Variants in RFC3 observed in about 807,000 individuals in gnomAD.
RFC3 encodes A1 38 kDa subunit.
Under a neutral mutation model 45.1 loss-of-function variants are expected in RFC3, and 41 were observed. That is an observed-to-expected ratio of 0.91 (90% CI 0.71 to 1.18). RFC3 has a LOEUF of 1.18. Among genes scored for constraint, RFC3 ranks in the 50% most tolerant of loss-of-function variants. The probability of loss-of-function intolerance (pLI) is 0.00; values close to 1 mark genes in which losing one functional copy is unlikely to be tolerated. For synonymous variants in RFC3, 149 were observed against 144.0 expected (o/e 1.03, Z -0.25); for missense variants, 423 against 428.1 (o/e 0.99, Z 0.10).
At chr13:33,852,174 T>G (rs963815299) in intron 8 of RFC3, among the ~76,000 whole-genome samples, 31 of 152,240 alleles carry the variant, frequency 2.0e-4, no homozygotes, top group African/African-American at 7.0e-4. Flanking sequence ...TGTTTCCTGT[T>G]TCTAATCTTT....
intron 8 of RFC3, among the ~76,000 whole-genome samples, chr13:33,909,525 C>A (rs922470844): frequency 6.6e-6 from 1 of 151,940 alleles, no homozygotes; most frequent in African/African-American, 2.4e-5. Flanking sequence ...TTGTCTTATT[C>A]TTCCTGTTAC....
chr13:33,898,526 T>C (rs942636522), intron 8 of RFC3, among the ~76,000 whole-genome samples: 9 of 151,942 alleles, frequency 5.9e-5, no homozygotes, highest in African/African-American at 1.7e-4. Flanking sequence ...GAGGAAAGTT[T>C]ATAGCAATTT....
At chr13:33,946,054 C>T (rs1370570433) in intron 8 of RFC3, among the ~76,000 whole-genome samples, 1 of 152,210 alleles carries the variant, frequency 6.6e-6, no homozygotes, top group African/African-American at 2.4e-5. Context: ...GGCTCTGACT[C>T]TGGTTCTCTC....
intron 8 of RFC3, among the ~76,000 whole-genome samples, chr13:33,884,964 C>G (rs759099018): frequency 5.3e-5 from 8 of 152,164 alleles, no homozygotes; most frequent in Non-Finnish European, 1.0e-4. Flanking sequence ...CTGAACTCCT[C>G]GACCTCTTAG....
At chr13:33,830,095 G>A (rs1485461927) in intron 5 of RFC3, 78 bp downstream of exon 5, 3 of 1,305,118 alleles carry the variant, frequency 2.3e-6, no homozygotes, top group Non-Finnish European at 3.3e-6. Flanking sequence ...TAAAAGAAGG[G>A]AATCGTATCA....
chr13:33,930,029 TCTGA>T (rs903930237), intron 8 of RFC3, among the ~76,000 whole-genome samples: 8 of 152,266 alleles, frequency 5.3e-5, no homozygotes, highest in Admixed American at 2.0e-4. Flanking sequence ...TTTCCTAATC[TCTGA>T]CTATTTAATA....
chr13:33,887,865 G>T (rs1191816264), intron 8 of RFC3, among the ~76,000 whole-genome samples: 1 of 152,006 alleles, frequency 6.6e-6, no homozygotes, highest in Non-Finnish European at 1.5e-5. Context: ...AGTTTTCCCA[G>T]CACCATTTAT....
At chr13:33,885,512 C>T (rs1055743924) in intron 8 of RFC3, among the ~76,000 whole-genome samples, 1 of 152,084 alleles carries the variant, frequency 6.6e-6, no homozygotes, top group African/African-American at 2.4e-5. Context: ...ATCTAGGTTT[C>T]ATTATTTAAT....
chr13:33,835,772 C>G lies in RFC3; in HGVS notation c.880-332C>G, dbSNP rs78308999. Among the ~76,000 whole-genome samples the G allele has an allele frequency of 8.1e-3, 1,236 of 152,232 alleles. 10 individuals carry two copies. The highest frequency in any genetic ancestry group is 0.029 in the African/African-American group (1,187 of 41,544). On this transcript the variant is annotated intron_variant, in intron 8 of 8. Coordinates refer to ENST00000380071, the MANE Select transcript of RFC3 (RefSeq NM_002915.4). Reference sequence around the variant, plus strand: ...GTATCATAGCTTTTCCGAATATGACCTCCATTGGTGGAACTTTAGGTTGTC... The same window carrying G: ...GTATCATAGCTTTTCCGAATATGACGTCCATTGGTGGAACTTTAGGTTGTC...
chr13:33,830,081 G>C (rs2082088221), intron 5 of RFC3, 64 bp downstream of exon 5: 5 of 1,410,732 alleles, frequency 3.5e-6, no homozygotes, highest in Non-Finnish European at 5.0e-6. Context: ...TTGTATGCTT[G>C]TTGTAAAAGA....
chr13:33,853,103 A>C (rs2082286457), intron 8 of RFC3, among the ~76,000 whole-genome samples: 1 of 152,194 alleles, frequency 6.6e-6, no homozygotes, highest in Non-Finnish European at 1.5e-5. Context: ...CAGCTAGATA[A>C]TCTAGATTGG....
chr13:33,948,332 G>A (rs1031550782), intron 8 of RFC3, among the ~76,000 whole-genome samples: 1 of 152,228 alleles, frequency 6.6e-6, no homozygotes, highest in East Asian at 1.9e-4. Flanking sequence ...CAGAAGTCAA[G>A]AATTGAGGCT....
At chr13:33,967,382 A>G (rs2083093223), downstream of RFC3, among the ~76,000 whole-genome samples, 1 of 152,168 alleles carries the variant, frequency 6.6e-6, no homozygotes, top group South Asian at 2.1e-4. Flanking sequence ...AAGAAACACT[A>G]CTATTTAAGA....
In RFC3 at chr13:33,818,198, A is replaced by C. The variant is rs1398928860; in HGVS notation, c.20A>C (p.Lys7Thr). 6.2e-7 allele frequency: 1 copy of C among 1,613,652 alleles called. No individual in the cohort carries two copies. The highest frequency in any genetic ancestry group is 1.7e-5 in the Admixed American group (1 of 60,000). Residue 7 changes from lysine (K) to threonine (T), a missense_variant, in exon 1 of 9, where the codon AAG (lysine) becomes ACG (threonine). Lys to Thr is a moderately conservative substitution (Grantham distance 78, BLOSUM62 -1). Coordinates refer to ENST00000380071, the MANE Select transcript of RFC3 (RefSeq NM_002915.4). ...GCTGCCATGAGCCTCTGGGTGGACA[A>C]GTATCGGCCCTGCTCCTTGGGACGG... Reference protein sequence around the residue: MSLWVDKYRPCSLGRLD... With the variant: MSLWVDTYRPCSLGRLD...
chr13:33,969,907 T>TTTC (rs1369533149), downstream of RFC3, among the ~76,000 whole-genome samples: 12 of 150,052 alleles, frequency 8.0e-5, no homozygotes, highest in African/African-American at 2.8e-4. Flanking sequence ...TATTGTCAGA[T>TTTC]TTGTTTTTTT....
chr13:33,936,554 T>C (rs1052469038), intron 8 of RFC3, among the ~76,000 whole-genome samples: 2 of 152,026 alleles, frequency 1.3e-5, no homozygotes, highest in Admixed American at 6.6e-5. Context: ...AATTTGTCCA[T>C]AGAGTTGGAA....
At chr13:33,914,460 C>G (rs1429295368) in intron 8 of RFC3, among the ~76,000 whole-genome samples, 1 of 152,080 alleles carries the variant, frequency 6.6e-6, no homozygotes, top group East Asian at 1.9e-4. Flanking sequence ...GAAGTGGGCA[C>G]CCTGTGTACA....
intron 8 of RFC3, among the ~76,000 whole-genome samples, chr13:33,925,666 A>G (rs1308105952): frequency 2.0e-5 from 3 of 149,898 alleles, no homozygotes; most frequent in Admixed American, 6.7e-5. Context: ...GATTACCACA[A>G]TTAAGTTAGT....
chr13:33,900,669 A>C (rs1471264056), intron 8 of RFC3, among the ~76,000 whole-genome samples: 1 of 151,870 alleles, frequency 6.6e-6, no homozygotes, highest in Admixed American at 6.6e-5. Flanking sequence ...CAACCAAAGC[A>C]AAAAAAGGAC....
Sources: allele counts gnomAD v4.1 joint callset (sites outside exome capture counted in the v4.1 genomes callset), GRCh38; gene constraint gnomAD v4.1.1; transcripts MANE v1.5; gene names NCBI Gene and HGNC (gene_info 2026-07-23, HGNC 2026-07-21).